Variants in AKAP6 observed in about 807,000 individuals in gnomAD.
AKAP6 encodes the protein A-kinase anchoring protein 6.
In AKAP6, 58 loss-of-function variants were observed where a neutral mutation model predicts 188.5. The observed-to-expected ratio is 0.31, with a 90% CI of 0.25 to 0.38. The LOEUF (loss-of-function observed/expected upper bound fraction) is 0.38. AKAP6 is among the 10% of genes least tolerant of loss of function. The pLI, the probability that AKAP6 is intolerant of heterozygous loss-of-function variation, is 1.00. For synonymous variants in AKAP6, 989 were observed against 998.6 expected (o/e 0.99, Z 0.18); for missense variants, 2,710 against 2,740.0 (o/e 0.99, Z 0.24).
intron 7 of AKAP6, among the ~76,000 whole-genome samples, chr14:32,647,706 C>T (rs1247267810): frequency 1.3e-5 from 2 of 152,066 alleles, no homozygotes; most frequent in Non-Finnish European, 2.9e-5. Context: ...CAGATATTGG[C>T]ACCACATGAG....
chr14:32,693,410 CAAG>C (rs1890263004), intron 8 of AKAP6: 1 of 152,218 alleles, frequency 6.6e-6, no homozygotes. Flanking sequence ...GCTGACCTCT[CAAG>C]AACCCTGGAG....
chr14:32,638,920 T>C (rs1005876802), intron 7 of AKAP6, among the ~76,000 whole-genome samples: 4 of 152,020 alleles, frequency 2.6e-5, no homozygotes, highest in African/African-American at 9.7e-5. Flanking sequence ...CTTATGGAAG[T>C]ATAGGGGAAA....
chr14:32,614,678 T>A (rs748371947), intron 7 of AKAP6, among the ~76,000 whole-genome samples: 1 of 152,128 alleles, frequency 6.6e-6, no homozygotes, highest in Non-Finnish European at 1.5e-5. Flanking sequence ...CAGCATCACC[T>A]GTTTTGTCCA....
In AKAP6 at chr14:32,824,068, T is replaced by C. The variant is rs199751007; in HGVS notation, c.6255T>C (p.Thr2085=). The change falls in exon 13 of 14, where the codon ACT becomes ACC. Residue 2085 remains threonine, a synonymous_variant. Coordinates refer to ENST00000280979, the MANE Select transcript of AKAP6 (RefSeq NM_004274.5). The stretch of plus-strand genomic sequence containing the variant: ...CTGAAAACGAGGTGGCTGCTCCTAC[T>C]TCATTAACTCAAATCAAGGAGAAAG... ...SQPENEVAAP[T]SLTQIKEKVL... is the part of the protein sequence containing the mutation. 6.2e-7 allele frequency: 1 copy of C among 1,613,904 alleles called. No individual in the cohort carries two copies. Among genetic ancestry groups the C allele is most frequent in the East Asian group, 2.2e-5 (1 of 44,876 alleles).
At position 32,447,688 on chromosome 14, in the gene AKAP6, C is replaced by G. The variant is rs146777725; in HGVS notation, c.324+13871C>G. Among the ~76,000 whole-genome samples the G allele has an allele frequency of 3.4e-3, 520 of 152,300 alleles. 3 individuals carry two copies. Among genetic ancestry groups the G allele is most frequent in the African/African-American group, 0.01 (426 of 41,578 alleles). ...CTTTGAAAGTCTTTTATTAATTCAA[C>G]TCTTCAAAATTATCAGTGTATCACA... On this transcript the variant is annotated intron_variant, in intron 2 of 13. Transcript: ENST00000280979.
intron 7 of AKAP6, among the ~76,000 whole-genome samples, chr14:32,615,167 CAAAAA>C (rs71115086): frequency 3.7e-5 from 2 of 53,506 alleles, no homozygotes; most frequent in South Asian, 8.7e-4. Flanking sequence ...GACTCTGTCT[CAAAAA>C]AAAAAAAAAA....
At chr14:32,427,534 C>T (rs566796635) in intron 1 of AKAP6, among the ~76,000 whole-genome samples, 10 of 152,280 alleles carry the variant, frequency 6.6e-5, no homozygotes, top group East Asian at 1.9e-4. Flanking sequence ...AACTAAGTGA[C>T]GAACTAGATC....
rs186244582 is a variant in AKAP6, at chr14:32,536,204, C to G, written c.576+399C>G. Among the ~76,000 whole-genome samples the G allele has an allele frequency of 2.6e-5, 4 of 152,300 alleles. No homozygotes were observed. The East Asian group carries it at 7.7e-4, about 29-fold the overall frequency. The stretch of plus-strand genomic sequence containing the variant: ...AAATGGAGCCAAGTGAATAGACATT[C>G]AAGCCAAACTGTGATAAGTCTACAA... On this transcript the variant is annotated intron_variant, in intron 3 of 13. Coordinates refer to ENST00000280979, the MANE Select transcript of AKAP6 (RefSeq NM_004274.5).
At chr14:32,488,109 C>T (rs1879801499) in intron 2 of AKAP6, among the ~76,000 whole-genome samples, 1 of 152,218 alleles carries the variant, frequency 6.6e-6, no homozygotes, top group South Asian at 2.1e-4. Flanking sequence ...AAATTTAAGT[C>T]TGCTAAAGCT....
intron 9 of AKAP6, among the ~76,000 whole-genome samples, chr14:32,724,420 C>T (rs1038151793): frequency 4.6e-5 from 7 of 152,140 alleles, no homozygotes; most frequent in South Asian, 4.1e-4. Flanking sequence ...GAAGTGCATA[C>T]GCCTGATCCA....
intron 2 of AKAP6, among the ~76,000 whole-genome samples, chr14:32,440,460 C>G (rs968073304): frequency 6.6e-6 from 1 of 151,726 alleles, no homozygotes; most frequent in Non-Finnish European, 1.5e-5. Flanking sequence ...GCACATGTAC[C>G]CTAGAACTTA....
intron 2 of AKAP6, among the ~76,000 whole-genome samples, chr14:32,524,249 A>G (rs1359360606): frequency 2.0e-5 from 3 of 152,162 alleles, no homozygotes; most frequent in Non-Finnish European, 2.9e-5. Flanking sequence ...TTGTGCGGGA[A>G]TGATTGCTGT....
Position 32,476,063 on chromosome 14 carries a change from C to G in AKAP6, c.324+42246C>G, listed in dbSNP as rs562015850. ...ACTTGTATAATATTATAATTATTAT[C>G]TATTTGGTACCTTTAAATTTTCATG... On this transcript the variant is annotated intron_variant, in intron 2 of 13. Coordinates refer to ENST00000280979, the MANE Select transcript of AKAP6 (RefSeq NM_004274.5). 2.7e-4 allele frequency among the ~76,000 whole-genome samples: 41 copies of G among 152,140 alleles called. No homozygotes were observed. In the South Asian group the frequency reaches 8.5e-3, roughly 32 times the overall value.
chr14:32,660,479 T>G (rs932079418), intron 7 of AKAP6, among the ~76,000 whole-genome samples: 1 of 152,094 alleles, frequency 6.6e-6, no homozygotes, highest in Non-Finnish European at 1.5e-5. Flanking sequence ...GGAAAGAAAC[T>G]TCAATGTGTT....
At chr14:32,506,788 C>T (rs1001556856) in intron 2 of AKAP6, among the ~76,000 whole-genome samples, 1 of 151,816 alleles carries the variant, frequency 6.6e-6, no homozygotes, top group South Asian at 2.1e-4. Flanking sequence ...CCACTTTGGC[C>T]TCCCAAAGTG....
At chr14:32,649,436 A>C (rs994000565) in intron 7 of AKAP6, among the ~76,000 whole-genome samples, 1 of 152,206 alleles carries the variant, frequency 6.6e-6, no homozygotes. Flanking sequence ...GGAGAAATGC[A>C]TGTTAAAACT....
intron 5 of AKAP6, among the ~76,000 whole-genome samples, chr14:32,594,041 T>G (rs1885589285): frequency 6.6e-6 from 1 of 152,176 alleles, no homozygotes; most frequent in African/African-American, 2.4e-5. Context: ...ATTTTAAAAT[T>G]CGTAATGATT....
chr14:32,402,140 A>T (rs1315158368), intron 1 of AKAP6: 3 of 152,190 alleles, frequency 2.0e-5, no homozygotes, highest in Non-Finnish European at 2.9e-5. Context: ...GGCCATGGAG[A>T]GGTAAGTTAA....
chr14:32,805,668 C>G (rs1406118981), intron 12 of AKAP6, among the ~76,000 whole-genome samples: 1 of 152,174 alleles, frequency 6.6e-6, no homozygotes, highest in Non-Finnish European at 1.5e-5. Flanking sequence ...GGAAATGCCA[C>G]TGGGGTCAAA....
Sources: gnomAD v4.1 joint callset for allele counts (sites outside exome capture counted in the v4.1 genomes callset) on GRCh38, gnomAD v4.1.1 for gene constraint, MANE v1.5 for transcripts, NCBI Gene and HGNC (gene_info 2026-07-23, HGNC 2026-07-21) for gene names.